FHAD1: variants seen among roughly 807,000 people sequenced by gnomAD.
FHAD1 encodes the protein forkhead-associated domain-containing protein 1.
FHAD1 carries 146 observed loss-of-function variants against 191.3 expected under a neutral mutation model. The ratio of observed to expected loss-of-function variants is 0.76; its 90% CI spans 0.67 to 0.88. The LOEUF is 0.88. FHAD1 is among the 40% of genes least tolerant of loss of function. FHAD1 has a pLI of 0.00. For synonymous variants in FHAD1, 616 were observed against 672.3 expected, an observed-to-expected ratio of 0.92 and a Z score of 1.29; for missense variants, 1,635 against 1,785.8, an observed-to-expected ratio of 0.92 and a Z score of 1.52.
upstream of FHAD1, chr1:15,247,212 C>A: frequency 6.1e-6 from 1 of 163,356 alleles, no homozygotes; most frequent in South Asian, 1.2e-4. Flanking sequence ...GACCCCGCGG[C>A]GCCTGGCGGC....
intron 21 of FHAD1, among the ~76,000 whole-genome samples, chr1:15,359,711 G>A (rs1387191859): frequency 6.6e-6 from 1 of 152,056 alleles, no homozygotes. Context: ...AAATTAATGG[G>A]AGGCCGAGGC....
At chr1:15,394,869 T>C (rs1195295531) in intron 33 of FHAD1, among the ~76,000 whole-genome samples, 1 of 152,134 alleles carries the variant, frequency 6.6e-6, no homozygotes, top group Non-Finnish European at 1.5e-5. Context: ...GTAAATCCTG[T>C]TGGAAAGAAA....
intron 2 of FHAD1, among the ~76,000 whole-genome samples, 199 bp downstream of exon 2, chr1:15,252,076 C>A (rs966673614): frequency 2.0e-5 from 3 of 152,220 alleles, no homozygotes; most frequent in Non-Finnish European, 2.9e-5. Flanking sequence ...AAGCTGAGTG[C>A]TGTACAGAGC....
chr1:15,369,289 C>G, intron 25 of FHAD1, 81 bp from the exon 26 acceptor site: 1 of 1,417,720 alleles, frequency 7.1e-7, no homozygotes, highest in Non-Finnish European at 9.6e-7. Context: ...AAATAGAGCT[C>G]CATGTCCTGG....
At chr1:15,239,900 G>T (rs1466004652) in intron 1 of FHAD1, among the ~76,000 whole-genome samples, 1 of 152,196 alleles carries the variant, frequency 6.6e-6, no homozygotes, top group Non-Finnish European at 1.5e-5. Context: ...AACATCTGCT[G>T]AATCTGCAAC....
intron 2 of FHAD1, 80 bp from the exon 3 acceptor site, chr1:15,272,243 G>A (rs1014787448): frequency 7.5e-7 from 1 of 1,326,452 alleles, no homozygotes; most frequent in South Asian, 1.3e-5. Context: ...GGCAAAACAG[G>A]TAAGGCACTC....
Position 15,301,259 on chromosome 1 carries a change from A to G in FHAD1, c.733A>G (p.Ile245Val). Residue 245 changes from isoleucine (I) to valine (V), a missense_variant, in exon 6 of 34, where the codon ATT becomes GTT. Transcript: ENST00000688493. ...GGTCAGCCGTCTCTCAGATTATGAAATTGAATCCAAATACAAAGACGTCAT... is the reference window on the plus strand; with the variant it reads ...GGTCAGCCGTCTCTCAGATTATGAAGTTGAATCCAAATACAAAGACGTCAT... ...KEVSRLSDYEIESKYKDVIIA... is the reference protein window; with the variant it reads ...KEVSRLSDYEVESKYKDVIIA... The G allele has an allele frequency of 6.4e-7, 1 of 1,551,772 alleles. No homozygotes were observed. The highest frequency in any genetic ancestry group is 8.7e-7 in the Non-Finnish European group (1 of 1,147,000).
At chr1:15,373,889 C>CA (rs1022046817) in intron 26 of FHAD1, among the ~76,000 whole-genome samples, 3 of 151,938 alleles carry the variant, frequency 2.0e-5, no homozygotes, top group Non-Finnish European at 4.4e-5. Context: ...CACACACGCA[C>CA]AAAAAAAACC....
chr1:15,246,489 G>A (rs1343579360), upstream of FHAD1, among the ~76,000 whole-genome samples: 3 of 89,650 alleles, frequency 3.3e-5, no homozygotes, highest in Non-Finnish European at 6.3e-5. Flanking sequence ...AGATAGTGGC[G>A]GGAGATAGGA....
intron 3 of FHAD1, among the ~76,000 whole-genome samples, chr1:15,280,964 C>T (rs1660401223): frequency 6.6e-6 from 1 of 152,178 alleles, no homozygotes; most frequent in Non-Finnish European, 1.5e-5. Context: ...CTCAAAGGGA[C>T]CTACTTCTTT....
chr1:15,360,477 G>C lies in FHAD1; in HGVS notation c.2737-1G>C. On this transcript the variant is annotated splice_acceptor_variant, in intron 21 of 33. Transcript: ENST00000688493. LOFTEE classifies it high-confidence loss of function. ...TCACTGAGTGACTCTCTGTTTCCCAGATCATGGTGGAAGAGCGGCTAATCC... is the reference window on the plus strand; with the variant it reads ...TCACTGAGTGACTCTCTGTTTCCCACATCATGGTGGAAGAGCGGCTAATCC... 1 of 1,550,892 alleles carries C rather than the reference G, an allele frequency of 6.4e-7. No homozygotes were observed. The highest frequency in any genetic ancestry group is 8.7e-7 in the Non-Finnish European group (1 of 1,146,786).
rs1368819278 is a variant in FHAD1 at position 15,367,603 on chromosome 1, G to A, written c.3295G>A (p.Ala1099Thr). 8.5e-7 allele frequency: 1 copy of A among 1,182,604 alleles called. No individual in the cohort carries two copies. Among genetic ancestry groups the A allele is most frequent in the Non-Finnish European group, 1.1e-6 (1 of 881,832 alleles). 73.3% of individuals were successfully genotyped at this position (1,182,604 alleles called of 1,614,324 possible). The change falls in exon 25 of 34, where the codon GCC becomes ACC. Residue 1099 changes from alanine (A) to threonine (T), a missense_variant. Coordinates refer to ENST00000688493, the MANE Select transcript of FHAD1 (RefSeq NM_001391957.1). ...AGAAAAGAAAGATCGGGAGCTGAAG[G>A]CCCTTGAGGAGGCACTCAGGTTGGG... Reference protein sequence around the residue: ...LVEKKDRELKALEEALRASQE... With the variant: ...LVEKKDRELKTLEEALRASQE...
intron 18 of FHAD1, among the ~76,000 whole-genome samples, chr1:15,346,729 T>C (rs1689054413): frequency 6.6e-6 from 1 of 152,258 alleles, no homozygotes; most frequent in Non-Finnish European, 1.5e-5. Context: ...CATGAATTCC[T>C]CAATCCTGAC....
At chr1:15,288,730 C>T (rs899751893) in intron 3 of FHAD1, among the ~76,000 whole-genome samples, 1 of 152,236 alleles carries the variant, frequency 6.6e-6, no homozygotes, top group African/African-American at 2.4e-5. Context: ...CCTGACTCAG[C>T]AGATCAATAC....
rs758193165 is a variant in FHAD1 at position 15,329,552 on chromosome 1, C to CT, written c.1906+18dup. The CT allele has an allele frequency of 1.6e-4, 251 of 1,549,068 alleles. No individual in the cohort carries two copies. The highest frequency in any genetic ancestry group is 2.1e-4 in the Non-Finnish European group (236 of 1,145,574). ...CCAGCCCCAACAAAGGTTACTGGGA[C>CT]TTTTTTTCTCACATGGTTGCATGAC... On this transcript the variant is annotated intron_variant, in intron 14 of 33. Coordinates refer to ENST00000688493, the MANE Select transcript of FHAD1 (RefSeq NM_001391957.1). This position sits in a 1 kb window ranked among gnomAD's most constrained non-coding sequence, Gnocchi z 5.0.
At chr1:15,360,444 C>T in intron 21 of FHAD1, 34 bp from the exon 22 acceptor site, 2 of 1,538,406 alleles carry the variant, frequency 1.3e-6, no homozygotes, top group Non-Finnish European at 1.8e-6. Context: ...TACACAGCTC[C>T]CAAGACCTCA....
intron 6 of FHAD1, 117 bp downstream of exon 6, chr1:15,301,558 T>C: frequency 1.3e-6 from 1 of 779,440 alleles, no homozygotes. Context: ...TGGAGCATGG[T>C]GGTTAAGAAC....
At chr1:15,272,263 C>T (rs1341408090) in intron 2 of FHAD1, 60 bp from the exon 3 acceptor site, 2 of 1,478,220 alleles carry the variant, frequency 1.4e-6, no homozygotes, top group Non-Finnish European at 1.8e-6. Context: ...CAGCTCAAAA[C>T]ATTAGGGGCC....
downstream of FHAD1, among the ~76,000 whole-genome samples, chr1:15,401,167 G>T (rs1232437760): frequency 1.3e-5 from 2 of 152,218 alleles, no homozygotes; most frequent in East Asian, 3.8e-4. Flanking sequence ...AACAGAAAGA[G>T]AGTTTACTGG....
Sources: gnomAD v4.1 joint callset for allele counts (sites outside exome capture counted in the v4.1 genomes callset) on GRCh38, gnomAD v4.1.1 for gene constraint, Gnocchi (gnomAD v3.1) non-coding constraint, MANE v1.5 for transcripts, NCBI Gene and HGNC (gene_info 2026-07-23, HGNC 2026-07-21) for gene names.